Variants in HMGCLL1 observed in about 807,000 individuals in gnomAD.
HMGCLL1 encodes 3-hydroxy-3-methylglutaryl-CoA lyase like 1.
HMGCLL1 carries 36 observed loss-of-function variants against 39.1 expected under a neutral mutation model. The observed-to-expected ratio is 0.92, with a 90% CI of 0.71 to 1.22. The LOEUF (loss-of-function observed/expected upper bound fraction) is 1.22, where lower values mean the gene tolerates loss of function less well. HMGCLL1 is among the 50% of genes most tolerant of loss of function. The pLI is 0.00. For missense variants in HMGCLL1, 451 were observed against 416.5 expected, an observed-to-expected ratio of 1.08 and a Z score of -0.72; for synonymous variants, 149 against 144.0, an observed-to-expected ratio of 1.03 and a Z score of -0.25.
chr6:55,602,052 C>A, the HMGCLL1 span, among the ~76,000 whole-genome samples: 338 of 152,026 alleles, frequency 2.2e-3, 1 homozygote, highest in African/African-American at 7.9e-3. Flanking sequence ...TGATAAAATG[C>A]CCCGTTATCT....
the HMGCLL1 span, among the ~76,000 whole-genome samples, chr6:55,660,801 C>T: frequency 1.3e-5 from 2 of 151,816 alleles, no homozygotes; most frequent in African/African-American, 4.8e-5. Context: ...TGCCACATCG[C>T]TTTCCACAAC....
chr6:55,599,030 G>A, the HMGCLL1 span, among the ~76,000 whole-genome samples: 771 of 152,132 alleles, frequency 5.1e-3, 8 homozygotes, highest in African/African-American at 0.017. Context: ...ACCAAACACC[G>A]TATGTTCTCA....
At chr6:55,504,201 C>T (rs576166390) in intron 5 of HMGCLL1, among the ~76,000 whole-genome samples, 1 of 151,740 alleles carries the variant, frequency 6.6e-6, no homozygotes, top group South Asian at 2.1e-4. Flanking sequence ...CCTGAGATTT[C>T]TCTTCACTGT....
chr6:55,571,710 G>C (rs1001798698), intron 1 of HMGCLL1, among the ~76,000 whole-genome samples: 2 of 152,098 alleles, frequency 1.3e-5, no homozygotes, highest in African/African-American at 4.8e-5. Flanking sequence ...TCGGGAGGCT[G>C]AGGTAGGAGA....
the HMGCLL1 span, among the ~76,000 whole-genome samples, chr6:55,655,354 A>T: frequency 6.6e-6 from 1 of 150,956 alleles, no homozygotes; most frequent in East Asian, 2.0e-4. Flanking sequence ...CTCCTGTTAC[A>T]ATTATACAGA....
intron 7 of HMGCLL1, among the ~76,000 whole-genome samples, chr6:55,443,041 C>T (rs1235357273): frequency 1.3e-5 from 1 of 77,366 alleles, no homozygotes; most frequent in African/African-American, 6.8e-5. Context: ...CACCTGGAGC[C>T]CTTTTCAAAT....
At chr6:55,669,379 T>C in the HMGCLL1 span, among the ~76,000 whole-genome samples, 1 of 151,940 alleles carries the variant, frequency 6.6e-6, no homozygotes, top group African/African-American at 2.4e-5. Context: ...AACCAGTCAA[T>C]TGCCTGCTGA....
chr6:55,650,746 A>T, the HMGCLL1 span, among the ~76,000 whole-genome samples: 1 of 152,022 alleles, frequency 6.6e-6, no homozygotes, highest in Non-Finnish European at 1.5e-5. Flanking sequence ...TGGCACTCAA[A>T]CCACTATACA....
intron 7 of HMGCLL1, among the ~76,000 whole-genome samples, chr6:55,464,664 TTA>T (rs1361625110): frequency 5.3e-5 from 8 of 152,240 alleles, no homozygotes; most frequent in African/African-American, 1.9e-4. Context: ...TCCTACCAGT[TTA>T]AGAGATTTGA....
At chr6:55,606,402 G>A in the HMGCLL1 span, among the ~76,000 whole-genome samples, 1 of 152,030 alleles carries the variant, frequency 6.6e-6, no homozygotes. Context: ...AAAATACTGA[G>A]AACTGTGAGT....
At chr6:55,521,702 C>T (rs1014879455) in intron 3 of HMGCLL1, among the ~76,000 whole-genome samples, 36 of 151,928 alleles carry the variant, frequency 2.4e-4, no homozygotes, top group African/African-American at 8.7e-4. Context: ...TTGGGCATTC[C>T]CCACCTCTCT....
intron 6 of HMGCLL1, among the ~76,000 whole-genome samples, chr6:55,496,594 C>G (rs9382497): frequency 0.69 from 104,088 of 151,952 alleles, 35,665 homozygotes; most frequent in Non-Finnish European, 0.7. Flanking sequence ...ATCTCTTGCA[C>G]TTCTTATGTG....
upstream of HMGCLL1, among the ~76,000 whole-genome samples, chr6:55,581,471 G>C (rs1160753292): frequency 6.6e-6 from 1 of 151,896 alleles, no homozygotes; most frequent in Non-Finnish European, 1.5e-5. Flanking sequence ...TGATTTTACT[G>C]GTAAGTAAAG....
At chr6:55,504,898 G>A (rs1327298584) in intron 5 of HMGCLL1, among the ~76,000 whole-genome samples, 1 of 151,556 alleles carries the variant, frequency 6.6e-6, no homozygotes, top group African/African-American at 2.4e-5. Context: ...CCTGTAGCCA[G>A]AAATAATAGC....
intron 1 of HMGCLL1, among the ~76,000 whole-genome samples, chr6:55,553,857 C>T (rs1770503446): frequency 6.6e-6 from 1 of 152,180 alleles, no homozygotes; most frequent in East Asian, 1.9e-4. Context: ...TTACACAGCT[C>T]TTGCCACAAT....
At chr6:55,648,216 G>A in the HMGCLL1 span, among the ~76,000 whole-genome samples, 1 of 148,944 alleles carries the variant, frequency 6.7e-6, no homozygotes, top group Non-Finnish European at 1.5e-5. Context: ...TGTGAATAGT[G>A]CCGCAATAAA....
chr6:55,635,108 T>C, the HMGCLL1 span, among the ~76,000 whole-genome samples: 15 of 152,188 alleles, frequency 9.9e-5, no homozygotes, highest in African/African-American at 3.6e-4. Flanking sequence ...ACCTGATTCG[T>C]ATAGATGTTT....
intron 7 of HMGCLL1, among the ~76,000 whole-genome samples, chr6:55,467,458 C>T (rs1486400596): frequency 2.6e-5 from 4 of 152,024 alleles, no homozygotes; most frequent in African/African-American, 7.2e-5. Flanking sequence ...CCAACTAGAA[C>T]GAAATTATAT....
chr6:55,440,370 A>T (rs965916802), intron 7 of HMGCLL1, among the ~76,000 whole-genome samples: 2 of 149,828 alleles, frequency 1.3e-5, no homozygotes, highest in Admixed American at 6.6e-5. Context: ...GTCTCCAGGG[A>T]ATCTACACTC....
Sources: gnomAD v4.1 joint callset for allele counts (sites outside exome capture counted in the v4.1 genomes callset) on GRCh38, gnomAD v4.1.1 for gene constraint, MANE v1.5 for transcripts, NCBI Gene and HGNC (gene_info 2026-07-23, HGNC 2026-07-21) for gene names.